MYO5B: variants seen among roughly 807,000 people sequenced by gnomAD.
MYO5B encodes myosin VB, also known as unconventional myosin-Vb.
A neutral mutation model predicts 229.3 loss-of-function variants in MYO5B; 143 were observed. That is an observed-to-expected ratio of 0.62 (90% CI 0.54 to 0.72). The LOEUF (loss-of-function observed/expected upper bound fraction) is 0.72. Ranked by LOEUF, MYO5B falls within the 30% of genes least tolerant of loss-of-function variation. The probability of loss-of-function intolerance (pLI) is 0.00; values close to 1 mark genes in which losing one functional copy is unlikely to be tolerated. For synonymous variants in MYO5B, 918 were observed against 885.2 expected, an observed-to-expected ratio of 1.04 and a Z score of -0.66; for missense variants, 2,321 against 2,331.0, an observed-to-expected ratio of 1.00 and a Z score of 0.09.
At chr18:49,886,891 C>A (rs1361503741) in intron 22 of MYO5B, among the ~76,000 whole-genome samples, 1 of 152,230 alleles carries the variant, frequency 6.6e-6, no homozygotes, top group South Asian at 2.1e-4. Flanking sequence ...ATACCAGGAG[C>A]CTTGCCAGGG....
chr18:49,921,889 C>A (rs566585371), intron 17 of MYO5B, among the ~76,000 whole-genome samples: 1 of 152,166 alleles, frequency 6.6e-6, no homozygotes, highest in Non-Finnish European at 1.5e-5. Flanking sequence ...TGCTTCCACA[C>A]GGGAACTGTT....
intron 4 of MYO5B, among the ~76,000 whole-genome samples, chr18:50,032,130 C>T (rs1026395984): frequency 5.9e-5 from 9 of 152,164 alleles, no homozygotes; most frequent in South Asian, 2.1e-4. Context: ...CAGATCCATT[C>T]ACCATGTAAG....
chr18:49,996,155 G>T (rs1158722458), intron 5 of MYO5B, among the ~76,000 whole-genome samples: 2 of 152,170 alleles, frequency 1.3e-5, no homozygotes, highest in Non-Finnish European at 2.9e-5. Context: ...CTTTGCCCAA[G>T]GTCTAAAGAT....
In MYO5B at chr18:49,843,474, G is replaced by A. The variant is rs139580795; in HGVS notation, c.4460-82C>T. The A allele has an allele frequency of 4.7e-4, 705 of 1,511,056 alleles. 1 individual carries two copies. Among genetic ancestry groups the A allele is most frequent in the Admixed American group, 6.2e-4 (37 of 59,664 alleles). The allele number at this position is 1,511,056 out of a possible 1,614,324, so 93.6% of individuals were successfully genotyped here. A position where few individuals can be genotyped will look rare whatever the true frequency, so the allele number is the denominator to read the frequency against. On this transcript the variant is annotated intron_variant, in intron 33 of 39. Transcript: ENST00000285039. The stretch of plus-strand genomic sequence containing the variant: ...TGTCAGAATCCTCATCTGAATAGAC[G>A]TGTTTTCAATATTTCCCCATAGCTC...
chr18:49,909,338 C>G (rs911211449), intron 18 of MYO5B, among the ~76,000 whole-genome samples: 1 of 152,236 alleles, frequency 6.6e-6, no homozygotes, highest in Non-Finnish European at 1.5e-5. Flanking sequence ...AGTGACATTA[C>G]TCAATCAGAC....
chr18:49,925,761 C>A (rs2025122347), intron 17 of MYO5B, among the ~76,000 whole-genome samples: 1 of 152,184 alleles, frequency 6.6e-6, no homozygotes, highest in Non-Finnish European at 1.5e-5. Flanking sequence ...TCCCTAAGGT[C>A]CTCTTCTAGT....
intron 1 of MYO5B, among the ~76,000 whole-genome samples, chr18:50,109,827 C>T (rs549415590): frequency 2.0e-5 from 3 of 152,236 alleles, no homozygotes; most frequent in East Asian, 1.9e-4. Flanking sequence ...CAGTATCCAC[C>T]GCCCTCCATA....
At chr18:49,969,013 T>G (rs1406519199) in intron 10 of MYO5B, among the ~76,000 whole-genome samples, 1 of 152,172 alleles carries the variant, frequency 6.6e-6, no homozygotes, top group Non-Finnish European at 1.5e-5. Context: ...AGAGCCCTCT[T>G]GAGCTATGAG....
chr18:49,959,203 C>T (rs1329937237), intron 12 of MYO5B, among the ~76,000 whole-genome samples: 3 of 152,238 alleles, frequency 2.0e-5, no homozygotes, highest in Non-Finnish European at 4.4e-5. Context: ...ATTTCCTCCA[C>T]AGTGTTTCTG....
At chr18:49,874,749 A>G (rs2024497115) in intron 26 of MYO5B, among the ~76,000 whole-genome samples, 1 of 152,132 alleles carries the variant, frequency 6.6e-6, no homozygotes, top group East Asian at 1.9e-4. Flanking sequence ...CCTTTTTCAA[A>G]CCCACTATGA....
chr18:49,919,714 G>A lies in MYO5B; in HGVS notation c.2091-7541C>T, dbSNP rs566977885. 9.9e-5 allele frequency among the ~76,000 whole-genome samples: 15 copies of A among 152,260 alleles called. No individual in the cohort carries two copies. The East Asian group carries it at 1.7e-3, about 18-fold the overall frequency. On this transcript the variant is annotated intron_variant, in intron 17 of 39. Transcript: ENST00000285039. ...CATAGAAACGGGAACCCTCATGTACGCTGCTGGTAAGAATGCAAAATGGTA... is the reference window on the plus strand; with the variant it reads ...CATAGAAACGGGAACCCTCATGTACACTGCTGGTAAGAATGCAAAATGGTA...
intron 1 of MYO5B, among the ~76,000 whole-genome samples, chr18:50,076,132 T>C (rs2031072660): frequency 6.6e-6 from 1 of 152,170 alleles, no homozygotes; most frequent in Admixed American, 6.5e-5. Context: ...GCAAGATATT[T>C]CCTTTTTCTT....
intron 5 of MYO5B, among the ~76,000 whole-genome samples, chr18:49,997,372 T>TC (rs2026001129): frequency 3.9e-5 from 4 of 102,616 alleles, no homozygotes; most frequent in East Asian, 2.4e-4. Context: ...TTTCTTTCTT[T>TC]TTTTTTTTTT....
At chr18:50,159,177 G>A (rs1362694774) in intron 1 of MYO5B, among the ~76,000 whole-genome samples, 1 of 152,106 alleles carries the variant, frequency 6.6e-6, no homozygotes, top group African/African-American at 2.4e-5. Context: ...AGCCTCAAAG[G>A]TTAACCAAAC....
intron 1 of MYO5B, among the ~76,000 whole-genome samples, chr18:50,088,844 G>A (rs2031386438): frequency 6.6e-6 from 1 of 152,132 alleles, no homozygotes; most frequent in African/African-American, 2.4e-5. Flanking sequence ...AAGAAAGCCT[G>A]CATATTACAC....
intron 1 of MYO5B, among the ~76,000 whole-genome samples, chr18:50,193,590 T>C (rs2033257525): frequency 1.3e-5 from 2 of 152,222 alleles, no homozygotes. Context: ...CCAGACCTGT[T>C]GGCCCGGGCG....
chr18:50,030,876 G>GAAAAAAAAAAAAAAAAA (rs869189090), intron 4 of MYO5B, among the ~76,000 whole-genome samples: 1 of 30,500 alleles, frequency 3.3e-5, no homozygotes, highest in African/African-American at 1.2e-4. Flanking sequence ...CTCCCTTTCA[G>GAAAAAAAAAAAAAAAAA]AAAAAAAAAA....
intron 2 of MYO5B, among the ~76,000 whole-genome samples, chr18:50,050,470 T>G (rs1568086567): frequency 6.6e-6 from 1 of 152,366 alleles, no homozygotes; most frequent in Middle Eastern, 3.4e-3. Context: ...TGTCTTCATA[T>G]GTTCAGTACC....
At chr18:50,019,420 T>G (rs1598957920) in intron 4 of MYO5B, among the ~76,000 whole-genome samples, 1 of 152,222 alleles carries the variant, frequency 6.6e-6, no homozygotes, top group Non-Finnish European at 1.5e-5. Context: ...TACTCTATGC[T>G]ATTCTACAAA....
Sources: gnomAD v4.1 joint callset for allele counts (sites outside exome capture counted in the v4.1 genomes callset) on GRCh38, gnomAD v4.1.1 for gene constraint, MANE v1.5 for transcripts, NCBI Gene and HGNC (gene_info 2026-07-23, HGNC 2026-07-21) for gene names.